The following AGMO variants were observed in gnomAD, a reference collection of about 807,000 sequenced individuals.
The protein encoded by AGMO is alkylglycerol monooxygenase.
Under a neutral mutation model 60.2 loss-of-function variants are expected in AGMO, and 75 were observed. The observed-to-expected ratio is 1.25, with a 90% CI of 1.03 to 1.51. AGMO has a LOEUF of 1.51. AGMO is among the 40% of genes most tolerant of loss of function. The pLI, the probability that AGMO is intolerant of heterozygous loss-of-function variation, is 0.00. For missense variants in AGMO, 763 were observed against 525.5 expected (o/e 1.45, Z -4.42); for synonymous variants, 261 against 177.1 (o/e 1.47, Z -3.76).
chr7:15,277,605 TG>T (rs1255906701), intron 12 of AGMO, among the ~76,000 whole-genome samples: 1 of 152,178 alleles, frequency 6.6e-6, no homozygotes, highest in Middle Eastern at 3.2e-3. Context: ...TAGGATCTTC[TG>T]GCTTTGTTCC....
downstream of AGMO, among the ~76,000 whole-genome samples, chr7:15,198,633 G>T (rs1431798508): frequency 6.6e-6 from 1 of 152,116 alleles, no homozygotes; most frequent in Non-Finnish European, 1.5e-5. Context: ...TCGGAGACTG[G>T]GTTTTTTAAG....
chr7:15,236,581 A>T (rs535701688), intron 12 of AGMO, among the ~76,000 whole-genome samples: 22 of 152,270 alleles, frequency 1.4e-4, no homozygotes, highest in African/African-American at 5.1e-4. Context: ...AATCAGTTAT[A>T]AGGCTGAAAT....
intron 2 of AGMO, among the ~76,000 whole-genome samples, chr7:15,548,269 C>G (rs1000270244): frequency 1.3e-5 from 2 of 152,086 alleles, no homozygotes; most frequent in African/African-American, 2.4e-5. Context: ...CTCTCCTCCT[C>G]CAAAGGAACG....
At chr7:15,379,117 G>A (rs1318145050) in intron 10 of AGMO, among the ~76,000 whole-genome samples, 1 of 151,968 alleles carries the variant, frequency 6.6e-6, no homozygotes, top group East Asian at 1.9e-4. Flanking sequence ...ACACAGCTAA[G>A]GCAGTGTTAA....
the AGMO span, among the ~76,000 whole-genome samples, chr7:15,149,075 T>C: frequency 6.6e-6 from 1 of 152,202 alleles, no homozygotes; most frequent in Non-Finnish European, 1.5e-5. Flanking sequence ...TGATTAGTGA[T>C]GTTGAGAATT....
Position 15,385,502 on chromosome 7 carries a change from C to G in AGMO, c.1018G>C (p.Val340Leu), listed in dbSNP as rs1783873938. 1 of 1,613,346 alleles carries G rather than the reference C, an allele frequency of 6.2e-7. No individual in the cohort carries two copies. Among genetic ancestry groups the G allele is most frequent in the Non-Finnish European group, 8.5e-7 (1 of 1,179,570 alleles). ...SSSQLLKIYTVVQFALMLAFY... is the reference protein window; with the variant it reads ...SSSQLLKIYTLVQFALMLAFY... Reference sequence around the variant, plus strand: ...GCCAACATCAGAGCAAACTGTACAACTGTATATATCTTTAATAGCTGAGAT... The same window carrying G: ...GCCAACATCAGAGCAAACTGTACAAGTGTATATATCTTTAATAGCTGAGAT... Residue 340 changes from valine to leucine, a missense_variant, in exon 10 of 13, where the codon GTT (valine) becomes CTT (leucine). Transcript: ENST00000342526.
chr7:15,211,085 G>A (rs1430032222), intron 12 of AGMO, among the ~76,000 whole-genome samples: 1 of 151,930 alleles, frequency 6.6e-6, no homozygotes, highest in Non-Finnish European at 1.5e-5. Context: ...TGAAAAAGGA[G>A]TAAGCAAACT....
rs559347821 is a variant in AGMO at position 15,268,243 on chromosome 7, A to C, written c.1264-66884T>G. ...ATGTTTAATCAGGATTTGGATCCAGACTGTCTTTTGCATTTCTTTAAGGAA... is the reference window on the plus strand; with the variant it reads ...ATGTTTAATCAGGATTTGGATCCAGCCTGTCTTTTGCATTTCTTTAAGGAA... On this transcript the variant is annotated intron_variant, in intron 12 of 12. Coordinates refer to ENST00000342526, the MANE Select transcript of AGMO (RefSeq NM_001004320.2). 1.2e-4 allele frequency among the ~76,000 whole-genome samples: 19 copies of C among 152,088 alleles called. No individual in the cohort carries two copies. The South Asian group carries it at 3.9e-3, about 32-fold the overall frequency.
the AGMO span, among the ~76,000 whole-genome samples, chr7:15,119,047 A>T: frequency 6.6e-6 from 1 of 151,394 alleles, no homozygotes; most frequent in East Asian, 1.9e-4. Context: ...AAATTGATTG[A>T]TATTAATTTC....
chr7:15,507,492 A>G (rs919505246), intron 3 of AGMO, among the ~76,000 whole-genome samples: 1 of 152,102 alleles, frequency 6.6e-6, no homozygotes, highest in African/African-American at 2.4e-5. Context: ...GATCAACAAA[A>G]CCTAGATAGC....
At chr7:15,529,662 A>AC (rs1784241413) in intron 3 of AGMO, among the ~76,000 whole-genome samples, 1 of 99,726 alleles carries the variant, frequency 1.0e-5, no homozygotes. Flanking sequence ...TATTCTATAT[A>AC]TATTCTATAT....
At position 15,408,211 on chromosome 7, in the gene AGMO, G is replaced by A. The variant is rs368229471; in HGVS notation, c.609+10347C>T. Among the ~76,000 whole-genome samples the A allele has an allele frequency of 1.4e-4, 21 of 151,920 alleles. 1 individual carries two copies. The highest frequency in any genetic ancestry group is 1.2e-3 in the East Asian group (6 of 5,174). ...GATGGGATGGGAGTTGTAAACAAGC[G>A]TCATTTTCTAAGAGCCCTGAAATCT... On this transcript the variant is annotated intron_variant, in intron 5 of 12. Coordinates refer to ENST00000342526, the MANE Select transcript of AGMO (RefSeq NM_001004320.2).
chr7:15,517,108 A>G (rs528591823), intron 3 of AGMO, among the ~76,000 whole-genome samples: 1 of 152,256 alleles, frequency 6.6e-6, no homozygotes, highest in South Asian at 2.1e-4. Context: ...CAACTCATCA[A>G]GACAATATAA....
At chr7:15,240,231 A>C (rs1201853510) in intron 12 of AGMO, among the ~76,000 whole-genome samples, 1 of 152,180 alleles carries the variant, frequency 6.6e-6, no homozygotes, top group Non-Finnish European at 1.5e-5. Flanking sequence ...CAGGACGACA[A>C]GTTAAGTTTG....
At chr7:15,256,876 A>G (rs1783115322) in intron 12 of AGMO, among the ~76,000 whole-genome samples, 1 of 152,228 alleles carries the variant, frequency 6.6e-6, no homozygotes, top group South Asian at 2.1e-4. Flanking sequence ...TGGGAAAATC[A>G]TAAACTGTTT....
chr7:15,218,327 A>ATGTGTGTGTGTGTGTG lies in AGMO; in HGVS notation c.1264-16984_1264-16969dup, dbSNP rs138890087. 5.3e-3 allele frequency among the ~76,000 whole-genome samples: 768 copies of ATGTGTGTGTGTGTGTG among 143,998 alleles called. 9 individuals are homozygous for ATGTGTGTGTGTGTGTG. Among genetic ancestry groups the ATGTGTGTGTGTGTGTG allele is most frequent in the African/African-American group, 0.019 (731 of 38,848 alleles). 94.5% of individuals were successfully genotyped at this position (143,998 alleles called of 152,430 possible). A position where few individuals can be genotyped will look rare whatever the true frequency, so the allele number is the denominator to read the frequency against. On this transcript the variant is annotated intron_variant, in intron 12 of 12. Transcript: ENST00000342526. Reference sequence around the variant, plus strand: ...ATACTATATTGACTATGGTGTGTGTATGTGTGTGTGTGTGTGTGTGTGTGT... The same window carrying ATGTGTGTGTGTGTGTG: ...ATACTATATTGACTATGGTGTGTGTATGTGTGTGTGTGTGTGTGTGTGTGTGTGTGTGTGTGTGTGT...
chr7:15,482,326 A>T (rs1196636693), intron 3 of AGMO, among the ~76,000 whole-genome samples: 1 of 152,140 alleles, frequency 6.6e-6, no homozygotes, highest in Non-Finnish European at 1.5e-5. Flanking sequence ...AAAACCTAAG[A>T]TATCACTAAA....
rs1019265434 is a variant in AGMO at position 15,244,631 on chromosome 7, TC to T, written c.1264-43273del. Among the ~76,000 whole-genome samples, 3 of 141,430 alleles carry T rather than the reference TC, an allele frequency of 2.1e-5. No individual in the cohort carries two copies. The East Asian group carries it at 5.8e-4, about 27-fold the overall frequency. 92.8% of individuals were successfully genotyped at this position (141,430 alleles called of 152,430 possible). ...CAAAGACAATAAAGTATTTGCTCAT[TC>T]TTTTTTTTGTTTGTTTGTTTGTTTT... is the stretch of plus-strand genomic sequence containing the variant. On this transcript the variant is annotated intron_variant, in intron 12 of 12. Coordinates refer to ENST00000342526, the MANE Select transcript of AGMO (RefSeq NM_001004320.2).
intron 12 of AGMO, among the ~76,000 whole-genome samples, chr7:15,294,371 A>C (rs1224020628): frequency 6.6e-6 from 1 of 152,058 alleles, no homozygotes; most frequent in Non-Finnish European, 1.5e-5. Flanking sequence ...GACATGAAAC[A>C]GAAATGAGAA....
Sources: gnomAD v4.1 joint callset for allele counts (sites outside exome capture counted in the v4.1 genomes callset) on GRCh38, gnomAD v4.1.1 for gene constraint, MANE v1.5 for transcripts, NCBI Gene and HGNC (gene_info 2026-07-23, HGNC 2026-07-21) for gene names.